Variants in LRFN2 observed in about 807,000 individuals in gnomAD.
LRFN2 encodes leucine-rich repeat and fibronectin type-III domain-containing protein 2.
In LRFN2, 18 loss-of-function variants were observed where a neutral mutation model predicts 37.3. That is an observed-to-expected ratio of 0.48 (90% CI 0.33 to 0.72). The LOEUF is 0.72. Ranked by LOEUF, LRFN2 falls within the 30% of genes least tolerant of loss-of-function variation. The pLI is 0.02. For synonymous variants in LRFN2, 556 were observed against 466.6 expected (o/e 1.19, Z -2.47); for missense variants, 1,006 against 1,060.7 (o/e 0.95, Z 0.72).
intron 2 of LRFN2, among the ~76,000 whole-genome samples, chr6:40,417,365 C>T (rs1214734033): frequency 6.6e-6 from 1 of 152,196 alleles, no homozygotes; most frequent in Admixed American, 6.5e-5. Flanking sequence ...AGTCAGAGCA[C>T]AGGTCACTGA....
At chr6:40,428,909 C>T (rs999605138) in intron 2 of LRFN2, among the ~76,000 whole-genome samples, 4 of 152,096 alleles carry the variant, frequency 2.6e-5, no homozygotes, top group Non-Finnish European at 4.4e-5. Context: ...CATTTTATTC[C>T]CCAGGATGGT....
At chr6:40,393,058 A>C (rs1762548082) in intron 2 of LRFN2, 146 bp from the exon 3 acceptor site, 2 of 563,890 alleles carry the variant, frequency 3.5e-6, no homozygotes, top group Non-Finnish European at 3.0e-6. Context: ...CACAGAGAGA[A>C]TGGGGCAGAG....
At chr6:40,578,916 C>T (rs1438518294) in intron 1 of LRFN2, among the ~76,000 whole-genome samples, 1 of 152,180 alleles carries the variant, frequency 6.6e-6, no homozygotes, top group Non-Finnish European at 1.5e-5. Flanking sequence ...ACACATTTCT[C>T]CCTGTGAGAA....
intron 1 of LRFN2, among the ~76,000 whole-genome samples, chr6:40,473,653 G>T (rs1764651489): frequency 6.6e-6 from 1 of 152,140 alleles, no homozygotes; most frequent in African/African-American, 2.4e-5. Context: ...TGCCATGGTG[G>T]TTTGCTGCAT....
intron 2 of LRFN2, among the ~76,000 whole-genome samples, chr6:40,430,926 C>T (rs1314203077): frequency 6.6e-6 from 1 of 152,126 alleles, no homozygotes; most frequent in Non-Finnish European, 1.5e-5. Context: ...CAGCAGAGGT[C>T]TCCCAGGGGA....
At chr6:40,496,390 C>G (rs527675192) in intron 1 of LRFN2, among the ~76,000 whole-genome samples, 2 of 152,260 alleles carry the variant, frequency 1.3e-5, no homozygotes, top group African/African-American at 2.4e-5. Context: ...CCCGCTGCAC[C>G]AGGGGTAAAA....
chr6:40,395,990 T>C (rs1211942319), intron 2 of LRFN2, among the ~76,000 whole-genome samples: 1 of 152,126 alleles, frequency 6.6e-6, no homozygotes, highest in Admixed American at 6.5e-5. Flanking sequence ...ACCAAAGATG[T>C]ACCACGAGCC....
At chr6:40,493,104 T>A (rs1198186731) in intron 1 of LRFN2, among the ~76,000 whole-genome samples, 1 of 151,988 alleles carries the variant, frequency 6.6e-6, no homozygotes, top group Non-Finnish European at 1.5e-5. Flanking sequence ...CCTGGTGACA[T>A]CTCAGAAAGG....
At position 40,432,397 on chromosome 6, in the gene LRFN2, A is replaced by C. The variant is rs140321591; in HGVS notation, c.717T>G (p.Phe239Leu). The C allele has an allele frequency of 1.5e-5, 24 of 1,614,066 alleles. No homozygotes were observed. The African/African-American group carries it at 2.7e-4, about 18-fold the overall frequency. ...AATTGCAGTGAAGTGGGTTACCCCC[A>C]AAACTAAAGGACAAGGGTGGGGCAA... The part of the protein sequence containing the change: ...TPFAPPLSFS[F>L]GGNPLHCNCE... The change falls in exon 2 of 3, where the codon TTT (phenylalanine) becomes TTG (leucine). Residue 239 changes from phenylalanine to leucine, a missense_variant. By Grantham distance (22) the Phe-to-Leu change is conservative. This residue lies in a region of LRFN2 where 303 missense variants were observed against 299.8 expected (regional missense o/e 1.01). Transcript: ENST00000338305.
chr6:40,447,281 C>T (rs544019280), intron 1 of LRFN2, among the ~76,000 whole-genome samples: 1 of 152,228 alleles, frequency 6.6e-6, no homozygotes, highest in Non-Finnish European at 1.5e-5. Flanking sequence ...ATGTCCCCAC[C>T]GTATGCCTCA....
intron 1 of LRFN2, among the ~76,000 whole-genome samples, chr6:40,481,786 C>T (rs1362553341): frequency 1.3e-5 from 2 of 152,070 alleles, no homozygotes; most frequent in African/African-American, 4.8e-5. Context: ...TTCCTGTGCC[C>T]GGGGGCAGGA....
At chr6:40,426,339 A>G (rs567751027) in intron 2 of LRFN2, among the ~76,000 whole-genome samples, 17 of 152,278 alleles carry the variant, frequency 1.1e-4, no homozygotes, top group Admixed American at 2.6e-4. Flanking sequence ...CCCTTTTGGT[A>G]TGGGCAGCTC....
intron 1 of LRFN2, among the ~76,000 whole-genome samples, chr6:40,486,268 A>T (rs1401954833): frequency 6.6e-6 from 1 of 152,166 alleles, no homozygotes; most frequent in Non-Finnish European, 1.5e-5. Flanking sequence ...TGTGCCGTCC[A>T]CAGAGGATGA....
chr6:40,560,250 A>G (rs1766968429), intron 1 of LRFN2, among the ~76,000 whole-genome samples: 1 of 152,178 alleles, frequency 6.6e-6, no homozygotes, highest in Non-Finnish European at 1.5e-5. Context: ...CATCAGGGAC[A>G]GCGCTCTAAC....
At chr6:40,551,011 G>A (rs1048567149) in intron 1 of LRFN2, among the ~76,000 whole-genome samples, 3 of 152,164 alleles carry the variant, frequency 2.0e-5, no homozygotes, top group African/African-American at 4.8e-5. Context: ...CAAGAGATGC[G>A]TCATAAAATC....
intron 1 of LRFN2, among the ~76,000 whole-genome samples, chr6:40,567,413 A>C (rs1289089031): frequency 1.3e-5 from 2 of 152,218 alleles, no homozygotes; most frequent in Non-Finnish European, 2.9e-5. Context: ...CTTGGCTAAA[A>C]GAAAGAGCAA....
At chr6:40,556,749 A>ACG (rs1351134656) in intron 1 of LRFN2, among the ~76,000 whole-genome samples, 4 of 141,038 alleles carry the variant, frequency 2.8e-5, no homozygotes, top group African/African-American at 1.2e-4. Flanking sequence ...ACACACACAC[A>ACG]CACGCACACA....
intron 2 of LRFN2, among the ~76,000 whole-genome samples, chr6:40,426,102 A>T (rs1184782365): frequency 6.6e-6 from 1 of 152,174 alleles, no homozygotes; most frequent in Non-Finnish European, 1.5e-5. Context: ...GCTTAAATGC[A>T]CCTTAACTCC....
chr6:40,517,044 T>C (rs546818393), intron 1 of LRFN2, among the ~76,000 whole-genome samples: 1 of 152,264 alleles, frequency 6.6e-6, no homozygotes, highest in Non-Finnish European at 1.5e-5. Context: ...TTTCCCATTC[T>C]AGAAATCAGC....
Sources: allele counts gnomAD v4.1 joint callset (sites outside exome capture counted in the v4.1 genomes callset), GRCh38; gene constraint gnomAD v4.1.1; regional missense constraint gnomAD v4.1.1; transcripts MANE v1.5; gene names NCBI Gene and HGNC (gene_info 2026-07-23, HGNC 2026-07-21).